Variants in CAMTA1 observed in about 807,000 individuals in gnomAD.
CAMTA1 encodes the protein calmodulin-binding transcription activator 1.
In CAMTA1, 27 loss-of-function variants were observed where a neutral mutation model predicts 170.9. The observed-to-expected ratio is 0.16, with a 90% CI of 0.12 to 0.22. The LOEUF (loss-of-function observed/expected upper bound fraction) is 0.22, where lower values mean the gene tolerates loss of function less well. CAMTA1 is among the 10% of genes least tolerant of loss of function. The pLI is 1.00. For missense variants in CAMTA1, 1,619 were observed against 2,217.2 expected (o/e 0.73, Z 5.42); for synonymous variants, 833 against 891.5 (o/e 0.93, Z 1.17).
intron 4 of CAMTA1, among the ~76,000 whole-genome samples, chr1:7,185,204 A>G (rs1010096887): frequency 8.5e-5 from 13 of 152,336 alleles, no homozygotes; most frequent in African/African-American, 2.9e-4. Flanking sequence ...ATATAAATGC[A>G]TGTATTAATG....
chr1:7,285,483 C>G (rs747800617), intron 5 of CAMTA1, among the ~76,000 whole-genome samples: 25 of 152,170 alleles, frequency 1.6e-4, no homozygotes, highest in Admixed American at 4.6e-4. Flanking sequence ...ATCAGTGGTT[C>G]TCGCCAAACT....
At chr1:7,595,753 G>T (rs1472191210) in intron 6 of CAMTA1, among the ~76,000 whole-genome samples, 1 of 152,214 alleles carries the variant, frequency 6.6e-6, no homozygotes, top group Non-Finnish European at 1.5e-5. Context: ...AATGCAAAAG[G>T]CTTGCCTGAG....
In CAMTA1 at chr1:7,290,913, G is replaced by A. The variant is rs115290770; in HGVS notation, c.438+41287G>A. ...CCCTCATTTTGCAAATGAGGAAATG[G>A]GGGCTCCTGGGGGGGTGAAGTGACT... On this transcript the variant is annotated intron_variant, in intron 5 of 22. Coordinates refer to ENST00000303635, the MANE Select transcript of CAMTA1 (RefSeq NM_015215.4). Among the ~76,000 whole-genome samples the A allele has an allele frequency of 6.9e-3, 1,053 of 152,162 alleles. 7 individuals are homozygous for A. The highest frequency in any genetic ancestry group is 0.011 in the Non-Finnish European group (778 of 67,996).
chr1:7,364,559 C>T (rs2085817490), intron 5 of CAMTA1, among the ~76,000 whole-genome samples: 2 of 152,060 alleles, frequency 1.3e-5, no homozygotes, highest in African/African-American at 4.8e-5. Context: ...CAGATCAGAC[C>T]TATGAGTGCA....
At chr1:6,800,608 GTATT>G (rs1643647530) in intron 1 of CAMTA1, among the ~76,000 whole-genome samples, 1 of 152,122 alleles carries the variant, frequency 6.6e-6, no homozygotes, top group South Asian at 2.1e-4. Context: ...GTTTAAGGTA[GTATT>G]TATATTCATT....
intron 3 of CAMTA1, among the ~76,000 whole-genome samples, chr1:6,912,985 C>T (rs1248874776): frequency 6.6e-6 from 1 of 152,230 alleles, no homozygotes; most frequent in African/African-American, 2.4e-5. Flanking sequence ...TATTGCCTTG[C>T]CAGCACCTCC....
At chr1:6,916,088 G>T (rs17030056) in intron 3 of CAMTA1, among the ~76,000 whole-genome samples, 2,915 of 152,272 alleles carry the variant, frequency 0.019, 35 homozygotes, top group South Asian at 0.028. Context: ...GAGGCGACCA[G>T]GCTGCCAGAG....
chr1:7,712,626 A>T (rs572557872), intron 11 of CAMTA1, among the ~76,000 whole-genome samples: 19 of 152,308 alleles, frequency 1.2e-4, no homozygotes, highest in South Asian at 2.1e-4. Context: ...GCTCAATCTT[A>T]CTTTTATTCC....
At chr1:6,797,079 CT>C (rs1201563487) in intron 1 of CAMTA1, among the ~76,000 whole-genome samples, 4 of 152,068 alleles carry the variant, frequency 2.6e-5, no homozygotes, top group African/African-American at 4.8e-5. Context: ...CTTGAGATCA[CT>C]TTTTTTTCTG....
chr1:7,045,260 C>T (rs1222467668), intron 3 of CAMTA1, among the ~76,000 whole-genome samples: 1 of 152,168 alleles, frequency 6.6e-6, no homozygotes, highest in Non-Finnish European at 1.5e-5. Context: ...CAAAAGCTTG[C>T]TCCTTATCCA....
At chr1:6,929,109 T>C (rs1244725910) in intron 3 of CAMTA1, among the ~76,000 whole-genome samples, 2 of 152,020 alleles carry the variant, frequency 1.3e-5, no homozygotes, top group East Asian at 3.8e-4. Context: ...CATCAACATG[T>C]TGTAAAAGTT....
chr1:7,149,035 A>G lies in CAMTA1; in HGVS notation c.302+57664A>G, dbSNP rs181683730. ...TGCCCTGTGGGCACATTCCCGAGGTACGGGGGCCTGGTGTTTCCACAATCA... is the reference window on the plus strand; with the variant it reads ...TGCCCTGTGGGCACATTCCCGAGGTGCGGGGGCCTGGTGTTTCCACAATCA... On this transcript the variant is annotated intron_variant, in intron 4 of 22. Transcript: ENST00000303635. Among the ~76,000 whole-genome samples, 360 of 151,754 alleles carry G rather than the reference A, an allele frequency of 2.4e-3. 3 individuals are homozygous for G. Among genetic ancestry groups the G allele is most frequent in the African/African-American group, 8.0e-3 (327 of 41,072 alleles).
chr1:7,620,932 G>A (rs1422955420), intron 6 of CAMTA1, among the ~76,000 whole-genome samples: 1 of 152,226 alleles, frequency 6.6e-6, no homozygotes, highest in Admixed American at 6.5e-5. Context: ...GAAGCAGGGA[G>A]GAGGTGTTGG....
intron 5 of CAMTA1, among the ~76,000 whole-genome samples, chr1:7,297,328 T>C (rs1449321416): frequency 2.0e-5 from 3 of 152,208 alleles, no homozygotes; most frequent in Non-Finnish European, 2.9e-5. Context: ...TGAATCTTTA[T>C]TAGAGTTGGT....
At chr1:7,198,709 C>T (rs1040846261) in intron 4 of CAMTA1, among the ~76,000 whole-genome samples, 2 of 152,064 alleles carry the variant, frequency 1.3e-5, no homozygotes, top group African/African-American at 4.8e-5. Context: ...GACCATCTTT[C>T]CTGACACCCA....
chr1:7,461,834 C>T (rs1439523604), intron 5 of CAMTA1, among the ~76,000 whole-genome samples: 1 of 152,232 alleles, frequency 6.6e-6, no homozygotes, highest in Non-Finnish European at 1.5e-5. Context: ...ATACTCAGGA[C>T]CAGAAAACAA....
At chr1:6,860,116 A>T (rs1664097080) in intron 3 of CAMTA1, among the ~76,000 whole-genome samples, 1 of 151,842 alleles carries the variant, frequency 6.6e-6, no homozygotes, top group Non-Finnish European at 1.5e-5. Context: ...TATGTATAAT[A>T]TTTCTCCCTT....
chr1:7,356,227 G>T (rs185740993), intron 5 of CAMTA1, among the ~76,000 whole-genome samples: 96 of 152,354 alleles, frequency 6.3e-4, no homozygotes, highest in Admixed American at 4.1e-3. Flanking sequence ...TGTCCTGGAT[G>T]AACATGCCTA....
chr1:7,348,694 A>C (rs2084411330), intron 5 of CAMTA1, among the ~76,000 whole-genome samples: 1 of 152,238 alleles, frequency 6.6e-6, no homozygotes, highest in Non-Finnish European at 1.5e-5. Flanking sequence ...AACCTGGAGA[A>C]AAAGCAGCCA....
Sources: allele counts gnomAD v4.1 joint callset (sites outside exome capture counted in the v4.1 genomes callset), GRCh38; gene constraint gnomAD v4.1.1; transcripts MANE v1.5; gene names NCBI Gene and HGNC (gene_info 2026-07-23, HGNC 2026-07-21).